The following SBF2 variants were observed in gnomAD, a reference collection of about 807,000 sequenced individuals.
SBF2 encodes the protein myotubularin-related protein 13.
A neutral mutation model predicts 225.2 loss-of-function variants in SBF2; 112 were observed. That is an observed-to-expected ratio of 0.50 (90% CI 0.43 to 0.58). The LOEUF is 0.58. SBF2 is among the 20% of genes least tolerant of loss of function. SBF2 has a pLI of 0.00. For missense variants in SBF2, 1,996 were observed against 2,206.2 expected (o/e 0.90, Z 1.91); for synonymous variants, 763 against 773.3 (o/e 0.99, Z 0.22).
chr11:9,928,045 T>C (rs980947579), intron 16 of SBF2, among the ~76,000 whole-genome samples: 1 of 152,140 alleles, frequency 6.6e-6, no homozygotes, highest in Non-Finnish European at 1.5e-5. Flanking sequence ...TCACTTTGGG[T>C]TTAGAGAAGA....
intron 32 of SBF2, among the ~76,000 whole-genome samples, chr11:9,801,095 A>AT (rs1853466572): frequency 6.6e-6 from 1 of 152,218 alleles, no homozygotes; most frequent in Non-Finnish European, 1.5e-5. Context: ...AATGATAGGT[A>AT]TTTCAGCTAA....
intron 26 of SBF2, among the ~76,000 whole-genome samples, chr11:9,833,862 C>T (rs192888547): frequency 2.6e-5 from 4 of 151,578 alleles, no homozygotes; most frequent in African/African-American, 7.3e-5. Context: ...CCTCTGCCTC[C>T]GGGGTTCAAG....
chr11:10,192,701 G>A (rs748263104), intron 2 of SBF2, among the ~76,000 whole-genome samples: 61 of 151,748 alleles, frequency 4.0e-4, no homozygotes, highest in Non-Finnish European at 1.2e-4. Context: ...TGAGCAACTT[G>A]TCAAAAGTCA....
At chr11:9,806,221 G>A (rs1054554024) in intron 32 of SBF2, among the ~76,000 whole-genome samples, 8 of 152,212 alleles carry the variant, frequency 5.3e-5, no homozygotes, top group South Asian at 4.1e-4. Flanking sequence ...AAGTGGGAGC[G>A]TGAGGGTCAG....
chr11:10,252,757 CTTGCAGCGA>C lies in SBF2; in HGVS notation c.55+41249_55+41257del. The stretch of plus-strand genomic sequence containing the variant: ...CCTGGGAGGCGGAGCTTGCAGCGAG[CTTGCAGCGA>C]GCTGAGATCGCGCCACTGCACTCCA... On this transcript the variant is annotated intron_variant, in intron 1 of 39. Coordinates refer to ENST00000256190, the MANE Select transcript of SBF2 (RefSeq NM_030962.4). 1.3e-5 allele frequency among the ~76,000 whole-genome samples: 2 copies of C among 150,702 alleles called. 1 individual carries two copies. The highest frequency in any genetic ancestry group is 4.2e-4 in the South Asian group (2 of 4,772).
chr11:10,250,878 C>T (rs973427195), intron 1 of SBF2, among the ~76,000 whole-genome samples: 5 of 152,148 alleles, frequency 3.3e-5, no homozygotes, highest in African/African-American at 4.8e-5. Context: ...AACTGTACAC[C>T]CACTGGAACC....
At chr11:9,955,131 T>C (rs1297773372) in intron 16 of SBF2, among the ~76,000 whole-genome samples, 1 of 152,020 alleles carries the variant, frequency 6.6e-6, no homozygotes, top group Non-Finnish European at 1.5e-5. Context: ...AAGTAATACA[T>C]GCTTGTTATA....
intron 17 of SBF2, among the ~76,000 whole-genome samples, chr11:9,878,590 G>A (rs1859484469): frequency 6.6e-6 from 1 of 152,172 alleles, no homozygotes; most frequent in South Asian, 2.1e-4. Flanking sequence ...TGAGGGCAGA[G>A]ACCATGTCTT....
chr11:10,122,793 C>T (rs1953538214), intron 2 of SBF2, among the ~76,000 whole-genome samples: 1 of 152,108 alleles, frequency 6.6e-6, no homozygotes, highest in Non-Finnish European at 1.5e-5. Context: ...CTAGGTCAGC[C>T]CTTCATACCT....
intron 17 of SBF2, among the ~76,000 whole-genome samples, chr11:9,886,236 CT>C (rs1332104287): frequency 6.6e-6 from 1 of 152,172 alleles, no homozygotes; most frequent in Non-Finnish European, 1.5e-5. Context: ...AAATTAGCAA[CT>C]TTCTTTTAAC....
At chr11:9,815,379 G>A (rs1474900910) in intron 29 of SBF2, among the ~76,000 whole-genome samples, 1 of 151,514 alleles carries the variant, frequency 6.6e-6, no homozygotes, top group African/African-American at 2.4e-5. Context: ...CTTGAACCTG[G>A]GAGGTGGAGG....
intron 6 of SBF2, among the ~76,000 whole-genome samples, chr11:10,026,097 A>T (rs1460924259): frequency 6.6e-6 from 1 of 151,806 alleles, no homozygotes. Flanking sequence ...GCACCTAAAC[A>T]TCACACAAAC....
chr11:9,971,948 G>A lies in SBF2; in HGVS notation c.1396-3403C>T, dbSNP rs1281750521. Among the ~76,000 whole-genome samples the A allele has an allele frequency of 2.6e-5, 4 of 152,162 alleles. No individual in the cohort carries two copies. The East Asian group carries it at 7.7e-4, about 29-fold the overall frequency. On this transcript the variant is annotated intron_variant, in intron 13 of 39. Coordinates refer to ENST00000256190, the MANE Select transcript of SBF2 (RefSeq NM_030962.4). ...AAGGATGAATGGAATAGAATAGAGA[G>A]CCCCAAAACAGGACTATGTGAGAAA...
intron 2 of SBF2, among the ~76,000 whole-genome samples, chr11:10,082,123 A>C (rs149864615): frequency 1.3e-4 from 20 of 152,292 alleles, no homozygotes; most frequent in African/African-American, 4.6e-4. Flanking sequence ...ACAAACTAGA[A>C]AACCAAAAGG....
At chr11:10,114,525 T>C (rs571599288) in intron 2 of SBF2, among the ~76,000 whole-genome samples, 1 of 152,362 alleles carries the variant, frequency 6.6e-6, no homozygotes, top group Non-Finnish European at 1.5e-5. Context: ...TCTTCCTTCA[T>C]ATTATGTAAG....
intron 2 of SBF2, among the ~76,000 whole-genome samples, chr11:10,179,269 C>T (rs1400451253): frequency 1.3e-5 from 2 of 151,400 alleles, no homozygotes; most frequent in East Asian, 3.9e-4. Flanking sequence ...GGGTGCAGCA[C>T]ACCAGCATGG....
chr11:10,004,574 T>TAAAAAAAAAAA (rs763688115), intron 6 of SBF2, among the ~76,000 whole-genome samples: 3 of 85,530 alleles, frequency 3.5e-5, no homozygotes, highest in East Asian at 3.3e-4. Flanking sequence ...CTACAAAAAT[T>TAAAAAAAAAAA]AAAAAAAAAA....
chr11:10,059,359 C>T (rs1378897794), intron 2 of SBF2, among the ~76,000 whole-genome samples: 1 of 151,920 alleles, frequency 6.6e-6, no homozygotes, highest in Non-Finnish European at 1.5e-5. Flanking sequence ...GGTTGCAATA[C>T]TAATTTGAGA....
chr11:10,010,739 T>C (rs1489250085), intron 6 of SBF2, among the ~76,000 whole-genome samples: 1 of 152,180 alleles, frequency 6.6e-6, no homozygotes, highest in African/African-American at 2.4e-5. Context: ...TTGGTTTCAT[T>C]TGAAATTTAA....
Sources: allele counts gnomAD v4.1 joint callset (sites outside exome capture counted in the v4.1 genomes callset), GRCh38; gene constraint gnomAD v4.1.1; transcripts MANE v1.5; gene names NCBI Gene and HGNC (gene_info 2026-07-23, HGNC 2026-07-21).